PITPNA: variants seen among roughly 807,000 people sequenced by gnomAD.
PITPNA encodes the protein phosphatidylinositol transfer protein alpha isoform.
PITPNA carries 13 observed loss-of-function variants against 50.3 expected under a neutral mutation model. The observed-to-expected ratio is 0.26, with a 90% CI of 0.17 to 0.41. PITPNA has a LOEUF of 0.41. Among genes scored for constraint, PITPNA ranks in the 10% least tolerant of loss-of-function variants. The pLI is 1.00. For synonymous variants in PITPNA, 120 were observed against 119.6 expected, an observed-to-expected ratio of 1.00 and a Z score of -0.02; for missense variants, 207 against 333.4, an observed-to-expected ratio of 0.62 and a Z score of 2.95.
At chr17:1,558,348 C>T (rs2075749146) in intron 2 of PITPNA, among the ~76,000 whole-genome samples, 181 bp downstream of exon 2, 1 of 152,070 alleles carries the variant, frequency 6.6e-6, no homozygotes, top group Non-Finnish European at 1.5e-5. Context: ...ACACAGTTAC[C>T]CAGATATACA....
Position 1,518,861 on chromosome 17 carries a change from C to A in PITPNA, c.*1700G>T, listed in dbSNP as rs1397002223. On this transcript the variant is annotated 3_prime_UTR_variant, in exon 12 of 12. Transcript: ENST00000313486. ...GTAGGAATGCCTCTTCTCCAACTTTCCAAGTCAGATAAATGCTACCAGCAG... is the reference window on the plus strand; with the variant it reads ...GTAGGAATGCCTCTTCTCCAACTTTACAAGTCAGATAAATGCTACCAGCAG... 6.6e-6 allele frequency: 1 copy of A among 152,236 alleles called. No individual in the cohort carries two copies. Among genetic ancestry groups the A allele is most frequent in the Non-Finnish European group, 1.5e-5 (1 of 68,048 alleles). The allele number at this position is 152,236 out of a possible 1,614,324, so 9.4% of individuals were successfully genotyped here.
intron 2 of PITPNA, among the ~76,000 whole-genome samples, chr17:1,555,205 G>T (rs2075729531): frequency 6.6e-6 from 1 of 152,176 alleles, no homozygotes; most frequent in Admixed American, 6.5e-5. Context: ...CCTTCATTTG[G>T]TTTCTCTTCA....
chr17:1,535,554 T>G (rs752276239), intron 7 of PITPNA, 36 bp from the exon 8 acceptor site: 27 of 1,340,514 alleles, frequency 2.0e-5, no homozygotes, highest in Middle Eastern at 1.8e-4. Flanking sequence ...TGGAGGGGAG[T>G]GGGAGAGGGA....
intron 3 of PITPNA, 45 bp from the exon 4 acceptor site, chr17:1,548,432 A>G (rs2075690316): frequency 7.4e-7 from 1 of 1,356,292 alleles, no homozygotes; most frequent in Admixed American, 2.1e-5. Context: ...TGGTAGAGAG[A>G]AAGGAGACAA....
intron 10 of PITPNA, among the ~76,000 whole-genome samples, chr17:1,524,628 G>A (rs529353823): frequency 6.6e-6 from 1 of 152,004 alleles, no homozygotes; most frequent in South Asian, 2.1e-4. Context: ...GATTTAAGAT[G>A]TGCGGTCAGG....
intron 10 of PITPNA, among the ~76,000 whole-genome samples, chr17:1,521,919 C>T (rs76275119): frequency 7.7e-6 from 1 of 129,886 alleles, no homozygotes; most frequent in Admixed American, 8.7e-5. Context: ...GTGGGGGGGT[C>T]TTCCTATGTT....
chr17:1,562,695 C>CTCGCCGCGG lies in PITPNA; in HGVS notation c.-144_-136dup, dbSNP rs1413017651. ...CGTGCTCTGCTCCGTCCCCGCCGCCCTCGCCGCGGTCGCCGCGCCGGCTCC... is the reference window on the plus strand; with the variant it reads ...CGTGCTCTGCTCCGTCCCCGCCGCCCTCGCCGCGGTCGCCGCGGTCGCCGCGCCGGCTCC... On this transcript the variant is annotated 5_prime_UTR_variant, in exon 1 of 12. Transcript: ENST00000313486. The surrounding 1 kb of genome is among the most constrained non-coding windows in gnomAD (Gnocchi z 6.4). 1.3e-5 allele frequency: 7 copies of CTCGCCGCGG among 522,178 alleles called. No homozygotes were observed. Among genetic ancestry groups the CTCGCCGCGG allele is most frequent in the African/African-American group, 2.1e-5 (1 of 48,422 alleles). The allele number at this position is 522,178 out of a possible 1,614,324, so 32.3% of individuals were successfully genotyped here.
chr17:1,534,335 G>T, intron 9 of PITPNA, 114 bp from the exon 10 acceptor site: 1 of 1,319,768 alleles, frequency 7.6e-7, no homozygotes. Flanking sequence ...GGGCGGACAG[G>T]AGGAGGAGTA....
chr17:1,536,675 C>G (rs2075619734), intron 7 of PITPNA, among the ~76,000 whole-genome samples: 1 of 151,984 alleles, frequency 6.6e-6, no homozygotes, highest in Admixed American at 6.6e-5. Flanking sequence ...CTCACTGCAA[C>G]TTCCACCTCC....
chr17:1,541,428 G>C, intron 6 of PITPNA, 138 bp downstream of exon 6: 1 of 669,122 alleles, frequency 1.5e-6, no homozygotes, highest in South Asian at 1.7e-5. Flanking sequence ...ATGCTGGTAA[G>C]ATAGGTCTAG....
rs188197666 is a variant in PITPNA at position 1,539,867 on chromosome 17, T to C, written c.373-915A>G. ...TTATCCTACCTCAGCTTCCCGAGTATCTGGGATTACAGGCGTGGGCTACCA... is the reference window on the plus strand; with the variant it reads ...TTATCCTACCTCAGCTTCCCGAGTACCTGGGATTACAGGCGTGGGCTACCA... On this transcript the variant is annotated intron_variant, in intron 6 of 11. Transcript: ENST00000313486. Among the ~76,000 whole-genome samples, 13 of 152,338 alleles carry C rather than the reference T, an allele frequency of 8.5e-5. No individual in the cohort carries two copies. The East Asian group carries it at 2.5e-3, about 29-fold the overall frequency.
chr17:1,548,513 G>C, intron 3 of PITPNA, 126 bp from the exon 4 acceptor site: 1 of 647,382 alleles, frequency 1.5e-6, no homozygotes, highest in Non-Finnish European at 2.6e-6. Context: ...CAGGTTACTG[G>C]TGGGAGTGAG....
chr17:1,531,273 A>G (rs1386327199), intron 10 of PITPNA, among the ~76,000 whole-genome samples: 1 of 152,076 alleles, frequency 6.6e-6, no homozygotes, highest in African/African-American at 2.4e-5. Context: ...AGTCCTCTAT[A>G]GGGAAAGTGA....
At chr17:1,557,133 C>T (rs977955324) in intron 2 of PITPNA, among the ~76,000 whole-genome samples, 6 of 152,128 alleles carry the variant, frequency 3.9e-5, no homozygotes, top group African/African-American at 1.2e-4. Context: ...TCCCCAGTCT[C>T]GTTTCTCTTT....
intron 8 of PITPNA, 41 bp from the exon 9 acceptor site, chr17:1,535,333 G>T: frequency 6.5e-7 from 1 of 1,542,994 alleles, no homozygotes; most frequent in Non-Finnish European, 9.0e-7. Flanking sequence ...AGTAACAACG[G>T]GCAGACCTCA....
intron 1 of PITPNA, chr17:1,559,703 A>G (rs2075758710): frequency 1.1e-6 from 1 of 915,470 alleles, no homozygotes; most frequent in Non-Finnish European, 1.3e-6. Context: ...CTAGTTCCAC[A>G]AAGGTCCCCC....
intron 10 of PITPNA, among the ~76,000 whole-genome samples, chr17:1,526,010 C>CA (rs1370391387): frequency 6.6e-6 from 1 of 152,190 alleles, no homozygotes; most frequent in African/African-American, 2.4e-5. Flanking sequence ...ATCTCATTTC[C>CA]AAACACCCCC....
chr17:1,542,845 G>A (rs997711721), intron 5 of PITPNA, among the ~76,000 whole-genome samples, 175 bp downstream of exon 5: 2 of 152,206 alleles, frequency 1.3e-5, no homozygotes, highest in African/African-American at 4.8e-5. Context: ...GCTTAAAGCA[G>A]GAGGTCATCA....
chr17:1,520,713 C>T (rs1567573186), intron 11 of PITPNA, among the ~76,000 whole-genome samples, 175 bp from the exon 12 acceptor site: 1 of 151,568 alleles, frequency 6.6e-6, no homozygotes, highest in Non-Finnish European at 1.5e-5. Context: ...CACAGCAGTC[C>T]GCCTCATTCC....
Sources: gnomAD v4.1 joint callset for allele counts (sites outside exome capture counted in the v4.1 genomes callset) on GRCh38, gnomAD v4.1.1 for gene constraint, Gnocchi (gnomAD v3.1) non-coding constraint, MANE v1.5 for transcripts, NCBI Gene and HGNC (gene_info 2026-07-23, HGNC 2026-07-21) for gene names.